DIP2C: variants seen among roughly 807,000 people sequenced by gnomAD.
DIP2C encodes the protein disco-interacting protein 2 homolog C.
Under a neutral mutation model 192.4 loss-of-function variants are expected in DIP2C, and 33 were observed. The ratio of observed to expected loss-of-function variants is 0.17; its 90% CI spans 0.13 to 0.23. DIP2C has a LOEUF of 0.23. DIP2C is among the 10% of genes least tolerant of loss of function. The probability of loss-of-function intolerance (pLI) is 1.00; values close to 1 mark genes in which losing one functional copy is unlikely to be tolerated. For synonymous variants in DIP2C, 979 were observed against 864.1 expected (o/e 1.13, Z -2.33); for missense variants, 1,537 against 2,110.1 (o/e 0.73, Z 5.32).
chr10:420,526 G>A (rs113377356), intron 5 of DIP2C, among the ~76,000 whole-genome samples: 18 of 152,204 alleles, frequency 1.2e-4, no homozygotes, highest in African/African-American at 1.7e-4. Flanking sequence ...AGTCCTCAGC[G>A]GACTTGGATG....
At chr10:506,115 G>A (rs911806770) in intron 1 of DIP2C, among the ~76,000 whole-genome samples, 13 of 152,110 alleles carry the variant, frequency 8.5e-5, no homozygotes, top group African/African-American at 2.9e-4. Context: ...CACACTGCAT[G>A]GCATTGACAT....
At chr10:511,113 T>C (rs1434679298) in intron 1 of DIP2C, among the ~76,000 whole-genome samples, 3 of 152,186 alleles carry the variant, frequency 2.0e-5, no homozygotes, top group Admixed American at 1.3e-4. Flanking sequence ...GAAGTCGGTG[T>C]TTCTGGAACA....
intron 1 of DIP2C, among the ~76,000 whole-genome samples, chr10:488,741 C>A (rs964176463): frequency 2.0e-5 from 3 of 152,226 alleles, no homozygotes; most frequent in Admixed American, 6.5e-5. Context: ...ATAAATCACA[C>A]GCTGTAGCTT....
At chr10:452,926 C>G (rs758551240) in intron 3 of DIP2C, among the ~76,000 whole-genome samples, 1 of 152,206 alleles carries the variant, frequency 6.6e-6, no homozygotes, top group Non-Finnish European at 1.5e-5. Context: ...GAGGCCTGGC[C>G]AGTCTGAGGC....
intron 17 of DIP2C, among the ~76,000 whole-genome samples, chr10:380,525 A>G (rs1589661303): frequency 6.6e-6 from 1 of 152,252 alleles, no homozygotes; most frequent in African/African-American, 2.4e-5. Flanking sequence ...CTTAGATCAC[A>G]ACACAGAGGA....
intron 4 of DIP2C, among the ~76,000 whole-genome samples, chr10:428,466 GT>G (rs1375661966): frequency 6.6e-6 from 1 of 152,178 alleles, no homozygotes; most frequent in Non-Finnish European, 1.5e-5. Flanking sequence ...TTTAAAAAAT[GT>G]CTTTCCATGG....
intron 1 of DIP2C, among the ~76,000 whole-genome samples, chr10:578,453 T>C (rs1196244331): frequency 6.6e-6 from 1 of 152,212 alleles, no homozygotes; most frequent in Non-Finnish European, 1.5e-5. Context: ...ACCAAGTCCC[T>C]GTTGTTTCGT....
chr10:650,277 GGATGC>G, intron 1 of DIP2C: 1 of 716,986 alleles, frequency 1.4e-6, no homozygotes, highest in South Asian at 1.5e-5. Flanking sequence ...ACACAGCACT[GGATGC>G]GATTTCAGGG....
chr10:587,347 G>A (rs1464049563), intron 1 of DIP2C, among the ~76,000 whole-genome samples: 8 of 152,230 alleles, frequency 5.3e-5, no homozygotes, highest in East Asian at 1.9e-4. Context: ...TCAGTAAAAC[G>A]CGGTGATAAC....
intron 9 of DIP2C, 150 bp downstream of exon 9, chr10:408,776 G>T: frequency 1.5e-6 from 1 of 664,804 alleles, no homozygotes; most frequent in Non-Finnish European, 2.6e-6. Flanking sequence ...TATCTGTCCT[G>T]TGTAACTTAC....
At position 651,349 on chromosome 10, in the gene DIP2C, C is replaced by A. The variant is rs962509227; in HGVS notation, c.85+38145G>T. 20 of 702,628 alleles carry A rather than the reference C, an allele frequency of 2.8e-5. No individual in the cohort carries two copies. Among genetic ancestry groups the A allele is most frequent in the Non-Finnish European group, 5.2e-5 (20 of 384,886 alleles). 43.5% of individuals were successfully genotyped at this position (702,628 alleles called of 1,614,324 possible). On this transcript the variant is annotated intron_variant, in intron 1 of 36. Transcript: ENST00000280886. This position sits in a 1 kb window ranked among gnomAD's most constrained non-coding sequence, Gnocchi z 4.1. ...CATCAGGAACCACCTACTTTTGCAT[C>A]CCCAGCACTGTGCTCAGGTCCCAGG...
At chr10:425,360 T>TGTG (rs1966516760) in intron 4 of DIP2C, among the ~76,000 whole-genome samples, 4 of 126,998 alleles carry the variant, frequency 3.1e-5, no homozygotes, top group African/African-American at 9.6e-5. Context: ...CGGTGACTAA[T>TGTG]ATGACACGGA....
chr10:581,568 T>C (rs942519487), intron 1 of DIP2C, among the ~76,000 whole-genome samples: 4 of 152,230 alleles, frequency 2.6e-5, no homozygotes, highest in African/African-American at 9.6e-5. Flanking sequence ...GATTTTAATG[T>C]ATTTTTGGTA....
rs185201342 is a variant in DIP2C, at chr10:646,599, T to C, written c.85+42895A>G. 2.2e-3 allele frequency among the ~76,000 whole-genome samples: 338 copies of C among 152,358 alleles called. 2 individuals are homozygous for C. Among genetic ancestry groups the C allele is most frequent in the South Asian group, 8.3e-3 (40 of 4,826 alleles). ...TAGTTTTACTTTGCTGTTAAATTAA[T>C]TTTATAACACTTGGCTATAACGTAC... is the stretch of plus-strand genomic sequence containing the variant. On this transcript the variant is annotated intron_variant, in intron 1 of 36. Coordinates refer to ENST00000280886, the MANE Select transcript of DIP2C (RefSeq NM_014974.3).
In DIP2C at chr10:283,435, G is replaced by A. The variant is rs763031005; in HGVS notation, c.4131C>T (p.His1377=). 2.5e-6 allele frequency: 4 copies of A among 1,614,102 alleles called. No homozygotes were observed. Among genetic ancestry groups the A allele is most frequent in the African/African-American group, 1.3e-5 (1 of 75,046 alleles). The change falls in exon 35 of 37, where the codon CAC becomes CAT. Residue 1377 remains histidine, a synonymous_variant. Transcript: ENST00000280886. ...AATAACCGCTGGCATTGTGGGCACT[G>A]TGAACCCAAATCTGCAAACGGAGGG... is the stretch of plus-strand genomic sequence containing the variant. ...GDSHLGEIWV[H]SAHNASGYFT...
chr10:583,210 A>G (rs1448346665), intron 1 of DIP2C, among the ~76,000 whole-genome samples: 2 of 152,008 alleles, frequency 1.3e-5, no homozygotes, highest in Non-Finnish European at 2.9e-5. Context: ...TGCATCTGCA[A>G]ACGCAGTTTT....
At chr10:281,568 GAGA>G (rs971926250) in intron 35 of DIP2C, among the ~76,000 whole-genome samples, 1 of 152,342 alleles carries the variant, frequency 6.6e-6, no homozygotes, top group African/African-American at 2.4e-5. Flanking sequence ...TGTGCTTTGG[GAGA>G]AGATCTTTCC....
chr10:317,947 G>C (rs1191043699), intron 31 of DIP2C, among the ~76,000 whole-genome samples: 1 of 152,198 alleles, frequency 6.6e-6, no homozygotes, highest in African/African-American at 2.4e-5. Flanking sequence ...GATGGAACCA[G>C]AGAAAGAGGA....
At chr10:336,708 A>AT (rs1441709149) in intron 29 of DIP2C, among the ~76,000 whole-genome samples, 1 of 152,128 alleles carries the variant, frequency 6.6e-6, no homozygotes. Context: ...AGGAGAAGGT[A>AT]TTGTTATCCT....
Sources: allele counts gnomAD v4.1 joint callset (sites outside exome capture counted in the v4.1 genomes callset), GRCh38; gene constraint gnomAD v4.1.1; non-coding constraint Gnocchi (gnomAD v3.1); transcripts MANE v1.5; gene names NCBI Gene and HGNC (gene_info 2026-07-23, HGNC 2026-07-21).